Variants in CAPSL observed in about 807,000 individuals in gnomAD.
CAPSL encodes calcyphosine like.
Under a neutral mutation model 21.3 loss-of-function variants are expected in CAPSL, and 17 were observed. The ratio of observed to expected loss-of-function variants is 0.80; its 90% confidence interval spans 0.55 to 1.20. The LOEUF (loss-of-function observed/expected upper bound fraction) is 1.20, where lower values mean the gene tolerates loss of function less well. CAPSL is among the 50% of genes most tolerant of loss of function. The pLI is 0.00. For missense variants in CAPSL, 289 were observed against 259.3 expected, an observed-to-expected ratio of 1.11 and a Z score of -0.79; for synonymous variants, 102 against 89.3, an observed-to-expected ratio of 1.14 and a Z score of -0.80.
intron 2 of CAPSL, among the ~76,000 whole-genome samples, chr5:35,915,393 C>T (rs1259710375): frequency 6.6e-6 from 1 of 152,144 alleles, no homozygotes; most frequent in Admixed American, 6.5e-5. Flanking sequence ...CACAGCCGGA[C>T]AGAGACACAA....
chr5:35,934,205 G>A (rs1190929444), intron 1 of CAPSL, among the ~76,000 whole-genome samples: 2 of 152,198 alleles, frequency 1.3e-5, no homozygotes, highest in Admixed American at 6.5e-5. Flanking sequence ...GAAGCCAAAA[G>A]TGTTATTCCA....
intron 1 of CAPSL, among the ~76,000 whole-genome samples, chr5:35,930,479 A>T (rs749933681): frequency 3.7e-4 from 56 of 152,316 alleles, no homozygotes; most frequent in Middle Eastern, 3.4e-3. Context: ...GGGCTAAGTA[A>T]GAGAAAGGCA....
At chr5:35,909,727 T>C in intron 4 of CAPSL, 139 bp downstream of exon 4, 1 of 743,504 alleles carries the variant, frequency 1.3e-6, no homozygotes, top group Non-Finnish European at 2.2e-6. Flanking sequence ...AGTTTCTAGA[T>C]TGTTCCTAGG....
intron 2 of CAPSL, among the ~76,000 whole-genome samples, chr5:35,913,879 G>T (rs1315153601): frequency 6.6e-6 from 1 of 152,146 alleles, no homozygotes; most frequent in East Asian, 1.9e-4. Flanking sequence ...AAATGTAAAT[G>T]GGCTAAATGC....
chr5:35,910,143 AT>A, intron 3 of CAPSL, 68 bp from the exon 4 acceptor site: 1 of 1,313,790 alleles, frequency 7.6e-7, no homozygotes. Flanking sequence ...ATCCTATGTG[AT>A]AAAATATCTC....
intron 1 of CAPSL, among the ~76,000 whole-genome samples, chr5:35,921,530 T>C (rs535992514): frequency 6.6e-6 from 1 of 152,338 alleles, no homozygotes; most frequent in South Asian, 2.1e-4. Flanking sequence ...TAAACATTGA[T>C]TTTGTTGCTT....
At chr5:35,929,647 G>A (rs1051228191) in intron 1 of CAPSL, among the ~76,000 whole-genome samples, 1 of 152,274 alleles carries the variant, frequency 6.6e-6, no homozygotes, top group African/African-American at 2.4e-5. Context: ...GCTTAAAACC[G>A]ATAAATTGCT....
chr5:35,910,795 A>G (rs1443398219), intron 2 of CAPSL, among the ~76,000 whole-genome samples: 1 of 152,216 alleles, frequency 6.6e-6, no homozygotes, highest in African/African-American at 2.4e-5. Context: ...AAAAAGATGA[A>G]AGGTAAAGGA....
chr5:35,904,705 G>T lies in CAPSL; in HGVS notation c.526-59C>A, dbSNP rs562231163. ...TTTGCTTCTCACTCTGTCAATGGGCGCCCACCTTGTGCACCTGTAAATAGA... is the reference window on the plus strand; with the variant it reads ...TTTGCTTCTCACTCTGTCAATGGGCTCCCACCTTGTGCACCTGTAAATAGA... On this transcript the variant is annotated intron_variant, in intron 4 of 4. Coordinates refer to ENST00000651391, the MANE Select transcript of CAPSL (RefSeq NM_001042625.2). 3.2e-5 allele frequency: 52 copies of T among 1,601,490 alleles called. No individual in the cohort carries two copies. The African/African-American group carries it at 5.4e-4, about 17-fold the overall frequency.
chr5:35,929,053 C>A (rs1738754188), intron 1 of CAPSL, among the ~76,000 whole-genome samples: 1 of 152,062 alleles, frequency 6.6e-6, no homozygotes, highest in South Asian at 2.1e-4. Flanking sequence ...CAACACAGGG[C>A]AAGATAAAGG....
intron 1 of CAPSL, among the ~76,000 whole-genome samples, chr5:35,936,413 C>T (rs545027593): frequency 2.0e-5 from 3 of 152,284 alleles, no homozygotes; most frequent in African/African-American, 7.2e-5. Context: ...GCTATCACCC[C>T]TCAAAGTCAA....
chr5:35,907,913 A>T (rs984164), intron 4 of CAPSL, among the ~76,000 whole-genome samples: 65,792 of 152,012 alleles, frequency 0.43, 14,941 homozygotes, highest in African/African-American at 0.54. Context: ...TTCCTCTACA[A>T]CAACAATTTC....
intron 4 of CAPSL, among the ~76,000 whole-genome samples, chr5:35,905,161 G>A (rs1427296345): frequency 6.6e-6 from 1 of 152,132 alleles, no homozygotes; most frequent in Non-Finnish European, 1.5e-5. Flanking sequence ...TCAAGGCCCA[G>A]GGTGAATAAA....
At chr5:35,929,097 C>T (rs1292700686) in intron 1 of CAPSL, among the ~76,000 whole-genome samples, 1 of 152,046 alleles carries the variant, frequency 6.6e-6, no homozygotes, top group Non-Finnish European at 1.5e-5. Context: ...ACAGTTGTAA[C>T]TATGCTGGGG....
At chr5:35,907,413 A>G (rs540795573) in intron 4 of CAPSL, among the ~76,000 whole-genome samples, 1 of 152,220 alleles carries the variant, frequency 6.6e-6, no homozygotes, top group South Asian at 2.1e-4. Flanking sequence ...TAGTGATGAT[A>G]AAGTCATATA....
At chr5:35,919,176 T>TAC (rs1738472407) in intron 2 of CAPSL, among the ~76,000 whole-genome samples, 1 of 126,110 alleles carries the variant, frequency 7.9e-6, no homozygotes, top group Admixed American at 8.5e-5. Flanking sequence ...AAAAAATATA[T>TAC]ATATATATAT....
chr5:35,904,336 G>C lies in CAPSL; in HGVS notation c.*209C>G. ...TATTTAAGTCCTATTTTAGAACAAAGGAAACAGTCTTAGGCAAGGCAAACT... is the reference window on the plus strand; with the variant it reads ...TATTTAAGTCCTATTTTAGAACAAACGAAACAGTCTTAGGCAAGGCAAACT... On this transcript the variant is annotated 3_prime_UTR_variant, in exon 5 of 5. Transcript: ENST00000651391. 1 of 580,188 alleles carries C rather than the reference G, an allele frequency of 1.7e-6. No homozygotes were observed. The highest frequency in any genetic ancestry group is 3.1e-6 in the Non-Finnish European group (1 of 326,736). The allele number at this position is 580,188 out of a possible 1,614,324, so 35.9% of individuals were successfully genotyped here.
At chr5:35,917,592 C>A (rs1738425847) in intron 2 of CAPSL, among the ~76,000 whole-genome samples, 1 of 152,130 alleles carries the variant, frequency 6.6e-6, no homozygotes, top group African/African-American at 2.4e-5. Flanking sequence ...TGGAAACCAT[C>A]ATTCTCAGCA....
At chr5:35,910,144 TA>T in intron 3 of CAPSL, 69 bp from the exon 4 acceptor site, 1 of 1,307,110 alleles carries the variant, frequency 7.7e-7, no homozygotes, top group Non-Finnish European at 1.1e-6. Flanking sequence ...TCCTATGTGA[TA>T]AAATATCTCA....
Sources: gnomAD v4.1 joint callset for allele counts (sites outside exome capture counted in the v4.1 genomes callset) on GRCh38, gnomAD v4.1.1 for gene constraint, MANE v1.5 for transcripts, NCBI Gene and HGNC (gene_info 2026-07-23, HGNC 2026-07-21) for gene names.